Variants in CACNA1I observed in about 807,000 individuals in gnomAD.
CACNA1I encodes the protein calcium voltage-gated channel subunit alpha1 I, also known as voltage-dependent T-type calcium channel subunit alpha-1I.
Under a neutral mutation model 201.6 loss-of-function variants are expected in CACNA1I, and 74 were observed. The ratio of observed to expected loss-of-function variants is 0.37; its 90% CI spans 0.30 to 0.45. The LOEUF is 0.45. CACNA1I is among the 20% of genes least tolerant of loss of function. The pLI is 1.00. For missense variants in CACNA1I, 2,346 were observed against 3,138.1 expected (o/e 0.75, Z 6.03); for synonymous variants, 1,431 against 1,345.2 (o/e 1.06, Z -1.40).
chr22:39,603,694 C>A (rs1254004177), intron 3 of CACNA1I, among the ~76,000 whole-genome samples: 1 of 152,174 alleles, frequency 6.6e-6, no homozygotes, highest in Non-Finnish European at 1.5e-5. Flanking sequence ...AAAAAAGTGA[C>A]CCTTACACAA....
At chr22:39,584,257 C>A (rs547815997) in intron 1 of CACNA1I, among the ~76,000 whole-genome samples, 7 of 151,554 alleles carry the variant, frequency 4.6e-5, no homozygotes, top group Admixed American at 3.9e-4. Context: ...AGATGTGGGG[C>A]GAGGGGAAGG....
In CACNA1I at chr22:39,684,410, C is replaced by G; in HGVS notation, c.5939C>G (p.Thr1980Ser). The change falls in exon 36 of 37, where the codon ACT (threonine) becomes AGT (serine). Residue 1980 changes from threonine to serine, a missense_variant. Thr to Ser is a moderately conservative substitution (Grantham distance 58, BLOSUM62 1). Transcript: ENST00000402142. This position sits in a 1 kb window ranked among gnomAD's most constrained non-coding sequence, Gnocchi z 4.6. Reference sequence around the variant, plus strand: ...AGCCAGAAAGGCCCAGAAAAGGGCACTGGCACTGGAACCCTCCCCAAGATT... The same window carrying G: ...AGCCAGAAAGGCCCAGAAAAGGGCAGTGGCACTGGAACCCTCCCCAAGATT... ...SASQKGPEKG[T>S]GTGTLPKIAL... 1 of 1,613,698 alleles carries G rather than the reference C, an allele frequency of 6.2e-7. No individual in the cohort carries two copies. The highest frequency in any genetic ancestry group is 1.3e-5 in the African/African-American group (1 of 75,052).
At chr22:39,667,072 C>T (rs986182965) in intron 23 of CACNA1I, among the ~76,000 whole-genome samples, 17 of 152,230 alleles carry the variant, frequency 1.1e-4, no homozygotes, top group African/African-American at 3.9e-4. Context: ...AGGGTTCCAA[C>T]CTGGCCTGCA....
chr22:39,626,043 GCCCT>G (rs1688748204), intron 4 of CACNA1I, among the ~76,000 whole-genome samples: 1 of 152,226 alleles, frequency 6.6e-6, no homozygotes, highest in Non-Finnish European at 1.5e-5. Context: ...CTCAGGGGCA[GCCCT>G]GAGCCCGAGC....
At chr22:39,637,624 T>C (rs1934253206) in intron 5 of CACNA1I, among the ~76,000 whole-genome samples, 1 of 152,096 alleles carries the variant, frequency 6.6e-6, no homozygotes, top group Non-Finnish European at 1.5e-5. Flanking sequence ...CCCCAAACCA[T>C]TGGCAGAATG....
intron 5 of CACNA1I, among the ~76,000 whole-genome samples, chr22:39,638,889 A>G (rs1398262998): frequency 6.6e-6 from 1 of 152,176 alleles, no homozygotes; most frequent in Non-Finnish European, 1.5e-5. Context: ...AGATCTCTTG[A>G]GTGTGAAGTT....
In CACNA1I at chr22:39,664,752, G is replaced by A; in HGVS notation, c.3680G>A (p.Gly1227Asp). Residue 1227 changes from glycine (G) to aspartate (D), a missense_variant, in exon 21 of 37, where the codon GGC becomes GAC. Gly to Asp is a moderately conservative substitution (Grantham distance 94). Transcript: ENST00000402142. ...GEMTLKVVSLGLYFGEQAYLR... is the reference protein window; with the variant it reads ...GEMTLKVVSLDLYFGEQAYLR... ...CCCCCGCCCCAGGTAGTCTCGCTGG[G>A]CCTGTACTTCGGCGAGCAGGCGTAC... 6.2e-7 allele frequency: 1 copy of A among 1,605,134 alleles called. No individual in the cohort carries two copies. The highest frequency in any genetic ancestry group is 8.5e-7 in the Non-Finnish European group (1 of 1,177,544).
At chr22:39,583,158 ATGCATGCATCCATCTC>A (rs1569046833) in intron 1 of CACNA1I, among the ~76,000 whole-genome samples, 2 of 150,758 alleles carry the variant, frequency 1.3e-5, no homozygotes, top group East Asian at 4.0e-4. Context: ...CCAGCCATCC[ATGCATGCATCCATCTC>A]TCCATCCATC....
intron 23 of CACNA1I, among the ~76,000 whole-genome samples, chr22:39,667,347 G>T (rs539321084): frequency 6.6e-6 from 1 of 152,208 alleles, no homozygotes; most frequent in Non-Finnish European, 1.5e-5. Flanking sequence ...AGGGGCCAGT[G>T]CAGGGCCAGA....
intron 10 of CACNA1I, among the ~76,000 whole-genome samples, chr22:39,651,219 C>G (rs1470420229): frequency 6.6e-6 from 1 of 152,184 alleles, no homozygotes; most frequent in African/African-American, 2.4e-5. Flanking sequence ...TGTGGCAAGA[C>G]TGACGCCCCG....
In CACNA1I at chr22:39,689,544, A is replaced by G. The variant is rs1394824583; in HGVS notation, c.*3139A>G. 1 of 152,820 alleles carries G rather than the reference A, an allele frequency of 6.5e-6. No individual in the cohort carries two copies. The highest frequency in any genetic ancestry group is 1.9e-4 in the East Asian group (1 of 5,198). 9.5% of individuals were successfully genotyped at this position (152,820 alleles called of 1,614,324 possible). Reference sequence around the variant, plus strand: ...GAGGCAGAGGCCACCTCCTCCAGAAAGCCCTCGGCCTGGGCCGCCGCCGTG... The same window carrying G: ...GAGGCAGAGGCCACCTCCTCCAGAAGGCCCTCGGCCTGGGCCGCCGCCGTG... On this transcript the variant is annotated 3_prime_UTR_variant, in exon 37 of 37. Coordinates refer to ENST00000402142, the MANE Select transcript of CACNA1I (RefSeq NM_021096.4).
In CACNA1I at chr22:39,685,795, C is replaced by A. The variant is rs922085822; in HGVS notation, c.6062C>A (p.Pro2021His). 1.3e-6 allele frequency: 2 copies of A among 1,495,908 alleles called. No homozygotes were observed. The highest frequency in any genetic ancestry group is 8.8e-7 in the Non-Finnish European group (1 of 1,130,300). The allele number at this position is 1,495,908 out of a possible 1,614,324, so 92.7% of individuals were successfully genotyped here. ...TGSDTSLDAS[P>H]SSSAGSLQTT... ...AGCGACACGTCGCTGGACGCCAGCC[C>A]CAGCAGCTCCGCGGGCAGCCTGCAG... is the stretch of plus-strand genomic sequence containing the variant. The change falls in exon 37 of 37, where the codon CCC (proline) becomes CAC (histidine). Residue 2021 changes from proline to histidine, a missense_variant. This residue lies in a region of CACNA1I where 441 missense variants were observed against 555.6 expected (regional missense o/e 0.79). Coordinates refer to ENST00000402142, the MANE Select transcript of CACNA1I (RefSeq NM_021096.4). This position sits in a 1 kb window ranked among gnomAD's most constrained non-coding sequence, Gnocchi z 5.0.
At chr22:39,664,230 C>G (rs1935112990) in intron 20 of CACNA1I, 71 bp downstream of exon 20, 1 of 1,256,074 alleles carries the variant, frequency 8.0e-7, no homozygotes, top group Non-Finnish European at 1.1e-6. Flanking sequence ...CAGCCCCTGC[C>G]TCAGCTTGTC....
intron 19 of CACNA1I, 32 bp downstream of exon 19, chr22:39,663,873 C>T (rs757574295): frequency 1.2e-5 from 19 of 1,611,530 alleles, no homozygotes; most frequent in Middle Eastern, 1.6e-4. Context: ...GCAGGGCAGG[C>T]GCCAGGCCAA....
chr22:39,660,412 C>G lies in CACNA1I; in HGVS notation c.2673C>G (p.Leu891=). 6.2e-7 allele frequency: 1 copy of G among 1,612,358 alleles called. No homozygotes were observed. ...CCAACATAGAAGAGTTTGATAAGCT[C>G]CAGGAAGGCCTGGACAGCAGCGGAG... ...SSSNIEEFDK[L]QEGLDSSGDP... Residue 891 remains leucine (L), a synonymous_variant, in exon 15 of 37, where the codon CTC becomes CTG. Coordinates refer to ENST00000402142, the MANE Select transcript of CACNA1I (RefSeq NM_021096.4).
chr22:39,600,636 C>T lies in CACNA1I; in HGVS notation c.465C>T (p.Phe155=), dbSNP rs1239461900. The T allele has an allele frequency of 1.9e-6, 3 of 1,605,960 alleles. No individual in the cohort carries two copies. In the Admixed American group the frequency reaches 5.1e-5, roughly 27 times the overall value. Residue 155 remains phenylalanine, a synonymous_variant, in exon 3 of 37, where the codon TTC becomes TTT. Coordinates refer to ENST00000402142, the MANE Select transcript of CACNA1I (RefSeq NM_021096.4). ...YLGDTWNRLD[F]FIVMAGMVEY... is the part of the protein sequence containing the mutation. ...GGGACACATGGAACCGCCTGGATTT[C>T]TTCATCGTCATGGCAGGGTAGGTAG...
At chr22:39,654,097 C>A (rs1212466102) in intron 10 of CACNA1I, among the ~76,000 whole-genome samples, 11 of 152,342 alleles carry the variant, frequency 7.2e-5, no homozygotes, top group African/African-American at 2.6e-4. Context: ...TCTTGTGGGG[C>A]AGGCTGGGGG....
intron 1 of CACNA1I, among the ~76,000 whole-genome samples, chr22:39,575,516 G>C (rs1378622013): frequency 2.0e-5 from 3 of 152,076 alleles, no homozygotes; most frequent in Non-Finnish European, 2.9e-5. Flanking sequence ...TTAGACATTG[G>C]GGACAGGTCT....
At chr22:39,671,163 T>A (rs1601520783) in intron 26 of CACNA1I, among the ~76,000 whole-genome samples, 1 of 152,150 alleles carries the variant, frequency 6.6e-6, no homozygotes, top group East Asian at 1.9e-4. Context: ...AAGGGAACGG[T>A]CAGAGGGAAG....
Sources: gnomAD v4.1 joint callset for allele counts (sites outside exome capture counted in the v4.1 genomes callset) on GRCh38, gnomAD v4.1.1 for gene constraint, gnomAD v4.1.1 regional missense constraint, Gnocchi (gnomAD v3.1) non-coding constraint, MANE v1.5 for transcripts, NCBI Gene and HGNC (gene_info 2026-07-23, HGNC 2026-07-21) for gene names.